Variants in TP63 observed in about 807,000 individuals in gnomAD.
TP63 encodes tumor protein p63.
In TP63, 17 loss-of-function variants were observed where a neutral mutation model predicts 82.8. The ratio of observed to expected loss-of-function variants is 0.21; its 90% CI spans 0.14 to 0.31. TP63 has a LOEUF of 0.31. Among genes scored for constraint, TP63 ranks in the 10% least tolerant of loss-of-function variants. TP63 has a pLI of 1.00. For missense variants in TP63, 648 were observed against 895.3 expected, an observed-to-expected ratio of 0.72 and a Z score of 3.52; for synonymous variants, 330 against 321.7, an observed-to-expected ratio of 1.03 and a Z score of -0.28.
chr3:189,714,621 G>A (rs1718826934), intron 1 of TP63, among the ~76,000 whole-genome samples: 1 of 152,122 alleles, frequency 6.6e-6, no homozygotes, highest in African/African-American at 2.4e-5. Flanking sequence ...GTACACCACA[G>A]TTTCTGATAG....
rs549903388 is a variant in TP63 at position 189,663,129 on chromosome 3, G to T, written c.62+31552G>T. On this transcript the variant is annotated intron_variant, in intron 1 of 13. Coordinates refer to ENST00000264731, the MANE Select transcript of TP63 (RefSeq NM_003722.5). The stretch of plus-strand genomic sequence containing the variant: ...AGATCCTCCGGTCTTACTGATGTTT[G>T]TAGCTGGGGTATTAATTCTGTAGAG... Among the ~76,000 whole-genome samples, 62 of 152,196 alleles carry T rather than the reference G, an allele frequency of 4.1e-4. 1 individual carries two copies. Among genetic ancestry groups the T allele is most frequent in the African/African-American group, 1.5e-3 (62 of 41,546 alleles).
chr3:189,892,692 C>T (rs760298171), intron 13 of TP63, among the ~76,000 whole-genome samples: 10 of 151,876 alleles, frequency 6.6e-5, no homozygotes, highest in East Asian at 1.9e-4. Context: ...CTCAGGAGGC[C>T]GAGGCAGGAA....
chr3:189,644,219 C>T (rs961991336), intron 1 of TP63, among the ~76,000 whole-genome samples: 1 of 151,036 alleles, frequency 6.6e-6, no homozygotes, highest in African/African-American at 2.4e-5. Flanking sequence ...CTCTCTCATA[C>T]CCCCAGCTTG....
chr3:189,869,738 G>A (rs1718189870), intron 9 of TP63, among the ~76,000 whole-genome samples: 1 of 150,342 alleles, frequency 6.7e-6, no homozygotes, highest in South Asian at 2.1e-4. Context: ...TTTTATAAGG[G>A]CAAAATCCCA....
intron 3 of TP63, among the ~76,000 whole-genome samples, chr3:189,755,455 C>T (rs1434160647): frequency 1.3e-5 from 2 of 151,918 alleles, no homozygotes; most frequent in Admixed American, 6.6e-5. Context: ...CATTTGTGAT[C>T]ATGTCATACT....
chr3:189,677,070 C>T (rs1715468415), intron 1 of TP63, among the ~76,000 whole-genome samples: 1 of 137,878 alleles, frequency 7.3e-6, no homozygotes, highest in African/African-American at 2.7e-5. Flanking sequence ...TAAGTGAGAA[C>T]ACATGGTATT....
At chr3:189,712,091 T>C (rs1229171823) in intron 1 of TP63, among the ~76,000 whole-genome samples, 1 of 152,180 alleles carries the variant, frequency 6.6e-6, no homozygotes, top group Non-Finnish European at 1.5e-5. Context: ...AAAATTGATG[T>C]GCATTTATTG....
chr3:189,620,164 A>G, the TP63 span, among the ~76,000 whole-genome samples: 1 of 152,224 alleles, frequency 6.6e-6, no homozygotes, highest in African/African-American at 2.4e-5. Flanking sequence ...CGAGGTCAAG[A>G]GATCGAGACC....
rs113097242 is a variant in TP63 at position 189,651,025 on chromosome 3, A to T, written c.62+19448A>T. On this transcript the variant is annotated intron_variant, in intron 1 of 13. Transcript: ENST00000264731. Reference sequence around the variant, plus strand: ...GAAGTCCAGGCTGAGGTGGTCTTAGATAGAGATGAGGAACTTGTTAGGAAC... The same window carrying T: ...GAAGTCCAGGCTGAGGTGGTCTTAGTTAGAGATGAGGAACTTGTTAGGAAC... Among the ~76,000 whole-genome samples, 1,281 of 147,360 alleles carry T rather than the reference A, an allele frequency of 8.7e-3. 140 individuals are homozygous for T. Among genetic ancestry groups the T allele is most frequent in the African/African-American group, 0.03 (1,198 of 39,344 alleles).
chr3:189,847,156 G>C (rs754539873), intron 4 of TP63, among the ~76,000 whole-genome samples: 2 of 151,524 alleles, frequency 1.3e-5, no homozygotes, highest in Non-Finnish European at 3.0e-5. Context: ...TCAGGAGTTT[G>C]AGACCAGCCT....
At chr3:189,817,779 A>T (rs1252504182) in intron 4 of TP63, among the ~76,000 whole-genome samples, 2 of 151,986 alleles carry the variant, frequency 1.3e-5, no homozygotes, top group Admixed American at 6.5e-5. Context: ...AAAAATGTTT[A>T]ATTGAATCTT....
intron 3 of TP63, among the ~76,000 whole-genome samples, chr3:189,806,335 T>TG (rs1307849266): frequency 6.6e-6 from 1 of 152,164 alleles, no homozygotes; most frequent in Non-Finnish European, 1.5e-5. Context: ...TTCTTTGTCC[T>TG]TTTTGTCAGG....
intron 4 of TP63, among the ~76,000 whole-genome samples, chr3:189,857,876 T>G (rs1716485189): frequency 6.6e-6 from 1 of 152,164 alleles, no homozygotes; most frequent in Non-Finnish European, 1.5e-5. Flanking sequence ...TTTACATACT[T>G]TCAGTGGGAA....
intron 11 of TP63, among the ~76,000 whole-genome samples, chr3:189,887,528 G>T (rs1350356203): frequency 6.6e-6 from 1 of 152,052 alleles, no homozygotes; most frequent in Non-Finnish European, 1.5e-5. Flanking sequence ...GATGATGACT[G>T]GCATATAGCT....
Position 189,694,790 on chromosome 3 carries a change from C to CTTTTTTTTTTTTTTTTTT in TP63, c.63-42934_63-42917dup, listed in dbSNP as rs71175304. Among the ~76,000 whole-genome samples the CTTTTTTTTTTTTTTTTTT allele has an allele frequency of 1.1e-3, 36 of 32,756 alleles. 11 individuals carry two copies. Among genetic ancestry groups the CTTTTTTTTTTTTTTTTTT allele is most frequent in the East Asian group, 1.8e-3 (2 of 1,112 alleles). 21.5% of individuals were successfully genotyped at this position (32,756 alleles called of 152,430 possible). A position where few individuals can be genotyped will look rare whatever the true frequency, so the allele number is the denominator to read the frequency against. On this transcript the variant is annotated intron_variant, in intron 1 of 13. Coordinates refer to ENST00000264731, the MANE Select transcript of TP63 (RefSeq NM_003722.5). ...TTGAAAGGAGGCCAGTATTTACAGC[C>CTTTTTTTTTTTTTTTTTT]TTTTTTTTTTTTTTTTTTTTTTTTT...
intron 1 of TP63, among the ~76,000 whole-genome samples, chr3:189,683,960 A>G (rs1265039398): frequency 6.6e-6 from 1 of 152,198 alleles, no homozygotes; most frequent in African/African-American, 2.4e-5. Flanking sequence ...TTCAAAGTTC[A>G]AAACTAACAA....
intron 4 of TP63, among the ~76,000 whole-genome samples, chr3:189,854,558 A>G (rs1377297483): frequency 1.3e-5 from 2 of 152,154 alleles, no homozygotes; most frequent in African/African-American, 4.8e-5. Flanking sequence ...TTAAAATATT[A>G]ATATTACAAA....
intron 1 of TP63, among the ~76,000 whole-genome samples, chr3:189,647,465 C>T (rs1054595633): frequency 2.0e-5 from 3 of 146,658 alleles, no homozygotes; most frequent in Non-Finnish European, 4.5e-5. Context: ...TAAGATGGTC[C>T]AACTCAACAG....
intron 4 of TP63, 85 bp from the exon 5 acceptor site, chr3:189,864,147 G>T (rs1319976462): frequency 1.3e-6 from 2 of 1,583,122 alleles, no homozygotes; most frequent in South Asian, 1.1e-5. Flanking sequence ...AAAGTGGACA[G>T]ATTTTCATTG....
Sources: allele counts gnomAD v4.1 joint callset (sites outside exome capture counted in the v4.1 genomes callset), GRCh38; gene constraint gnomAD v4.1.1; transcripts MANE v1.5; gene names NCBI Gene and HGNC (gene_info 2026-07-23, HGNC 2026-07-21).